NAALADL2: variants seen among roughly 807,000 people sequenced by gnomAD.
NAALADL2 encodes inactive N-acetylated-alpha-linked acidic dipeptidase-like protein 2.
A neutral mutation model predicts 87.2 loss-of-function variants in NAALADL2; 76 were observed. That is an observed-to-expected ratio of 0.87 (90% CI 0.72 to 1.05). The LOEUF (loss-of-function observed/expected upper bound fraction) is 1.05, where lower values mean the gene tolerates loss of function less well. Among genes scored for constraint, NAALADL2 ranks in the 50% least tolerant of loss-of-function variants. The probability of loss-of-function intolerance (pLI) is 0.00; values close to 1 mark genes in which losing one functional copy is unlikely to be tolerated. For missense variants in NAALADL2, 1,089 were observed against 945.8 expected, an observed-to-expected ratio of 1.15 and a Z score of -1.99; for synonymous variants, 354 against 331.0, an observed-to-expected ratio of 1.07 and a Z score of -0.75.
chr3:175,353,748 A>G (rs1211937492), intron 5 of NAALADL2, among the ~76,000 whole-genome samples: 1 of 152,168 alleles, frequency 6.6e-6, no homozygotes, highest in Non-Finnish European at 1.5e-5. Context: ...ATTCCCTCAA[A>G]CCTAGTTTCC....
chr3:175,043,936 G>A (rs924717195), intron 1 of NAALADL2, among the ~76,000 whole-genome samples: 1 of 152,122 alleles, frequency 6.6e-6, no homozygotes, highest in African/African-American at 2.4e-5. Flanking sequence ...TTTTGACAGT[G>A]ATTACTTTGA....
intron 2 of NAALADL2, among the ~76,000 whole-genome samples, chr3:174,708,297 C>T (rs868829056): frequency 2.0e-5 from 3 of 152,172 alleles, no homozygotes; most frequent in South Asian, 2.1e-4. Flanking sequence ...CATTGGGAAA[C>T]TCCCCTCAAT....
chr3:175,317,714 C>T (rs1056402513), intron 4 of NAALADL2, among the ~76,000 whole-genome samples: 1 of 152,110 alleles, frequency 6.6e-6, no homozygotes, highest in East Asian at 1.9e-4. Flanking sequence ...CCAAATCATA[C>T]AGAAATAGGT....
At chr3:175,484,397 AT>A (rs1267225569) in intron 9 of NAALADL2, among the ~76,000 whole-genome samples, 2 of 152,152 alleles carry the variant, frequency 1.3e-5, no homozygotes, top group African/African-American at 2.4e-5. Context: ...TTTAATCATT[AT>A]AAAATTGCTG....
intron 4 of NAALADL2, among the ~76,000 whole-genome samples, chr3:175,288,891 A>G (rs1755302897): frequency 6.6e-6 from 1 of 152,152 alleles, no homozygotes; most frequent in Admixed American, 6.5e-5. Context: ...GCTTTTTTCT[A>G]CTATTTCATT....
At chr3:175,780,133 G>A (rs1401830219) in intron 13 of NAALADL2, among the ~76,000 whole-genome samples, 4 of 151,414 alleles carry the variant, frequency 2.6e-5, no homozygotes, top group African/African-American at 4.9e-5. Flanking sequence ...AAAATTAGCC[G>A]GGCGTGGTGG....
At chr3:175,252,305 T>C (rs1286355449) in intron 3 of NAALADL2, among the ~76,000 whole-genome samples, 1 of 152,194 alleles carries the variant, frequency 6.6e-6, no homozygotes, top group Non-Finnish European at 1.5e-5. Flanking sequence ...AATATTCCAA[T>C]CTTTTTCATT....
intron 2 of NAALADL2, among the ~76,000 whole-genome samples, chr3:174,556,600 C>T (rs1292095329): frequency 2.0e-5 from 3 of 152,016 alleles, no homozygotes; most frequent in Non-Finnish European, 4.4e-5. Flanking sequence ...CTTCTTAATA[C>T]ACAACTTATA....
intron 11 of NAALADL2, among the ~76,000 whole-genome samples, chr3:175,662,947 T>A (rs1178484034): frequency 6.8e-6 from 1 of 146,664 alleles, no homozygotes; most frequent in Non-Finnish European, 1.5e-5. Flanking sequence ...GGCCTGTAGT[T>A]TGTTTGTTTG....
intron 4 of NAALADL2, among the ~76,000 whole-genome samples, chr3:175,316,018 T>C (rs1759096592): frequency 6.6e-6 from 1 of 152,224 alleles, no homozygotes; most frequent in Admixed American, 6.5e-5. Context: ...TTAGACTACA[T>C]GGTTTTTCAT....
At chr3:175,676,840 T>A (rs1734852526) in intron 11 of NAALADL2, 1 of 151,996 alleles carries the variant, frequency 6.6e-6, no homozygotes, top group African/African-American at 2.4e-5. Flanking sequence ...GTGGGTGTTA[T>A]GGAAAAGCTG....
rs547165921 is a variant in NAALADL2, at chr3:175,202,243, C to G, written c.546-31688C>G. On this transcript the variant is annotated intron_variant, in intron 2 of 13. Coordinates refer to ENST00000454872, the MANE Select transcript of NAALADL2 (RefSeq NM_207015.3). ...TTGCAGCTGATCAGCTTCCTTTGTC[C>G]ACTGAGTATTGGGCTTCATTTCCAA... Among the ~76,000 whole-genome samples, 4 of 152,140 alleles carry G rather than the reference C, an allele frequency of 2.6e-5. No homozygotes were observed. The East Asian group carries it at 7.7e-4, about 29-fold the overall frequency.
intron 2 of NAALADL2, among the ~76,000 whole-genome samples, chr3:174,688,203 G>A (rs572241849): frequency 1.3e-5 from 2 of 151,874 alleles, no homozygotes; most frequent in Non-Finnish European, 2.9e-5. Context: ...CTGTTGTCTT[G>A]GATAAACCAT....
At chr3:175,212,597 A>C (rs1741921811) in intron 2 of NAALADL2, among the ~76,000 whole-genome samples, 1 of 146,794 alleles carries the variant, frequency 6.8e-6, no homozygotes, top group Non-Finnish European at 1.5e-5. Context: ...CTCCTCCTCC[A>C]TTTTTTCTTC....
rs546595817 is a variant in NAALADL2 at position 175,361,936 on chromosome 3, C to T, written c.1090+37611C>T. On this transcript the variant is annotated intron_variant, in intron 5 of 13. Transcript: ENST00000454872. ...CTTTTGGTGTTTTAGTCATGAAGTCCTTGCCCATGCCTATGTCCTGAATGG... is the reference window on the plus strand; with the variant it reads ...CTTTTGGTGTTTTAGTCATGAAGTCTTTGCCCATGCCTATGTCCTGAATGG... 3.5e-3 allele frequency among the ~76,000 whole-genome samples: 514 copies of T among 147,762 alleles called. 32 individuals are homozygous for T. Among genetic ancestry groups the T allele is most frequent in the African/African-American group, 0.012 (488 of 40,802 alleles).
intron 2 of NAALADL2, among the ~76,000 whole-genome samples, chr3:175,105,804 C>T (rs1379921302): frequency 6.6e-6 from 1 of 151,718 alleles, no homozygotes; most frequent in Non-Finnish European, 1.5e-5. Context: ...TACTATATTC[C>T]AGGCACTTGG....
chr3:175,002,192 T>C (rs2108765938), intron 1 of NAALADL2, among the ~76,000 whole-genome samples: 1 of 152,302 alleles, frequency 6.6e-6, no homozygotes, highest in East Asian at 1.9e-4. Context: ...GTAAAGATAT[T>C]GTTGAAAAGG....
At chr3:174,835,518 A>G (rs1465316785) in intron 3 of NAALADL2, among the ~76,000 whole-genome samples, 1 of 152,150 alleles carries the variant, frequency 6.6e-6, no homozygotes, top group Admixed American at 6.5e-5. Flanking sequence ...TATCAAAATT[A>G]TAAAGTTCTG....
At chr3:175,576,397 G>C (rs1466779596) in intron 10 of NAALADL2, among the ~76,000 whole-genome samples, 1 of 152,104 alleles carries the variant, frequency 6.6e-6, no homozygotes, top group Non-Finnish European at 1.5e-5. Context: ...AATTTAAAAA[G>C]ATTTATACTG....
Sources: gnomAD v4.1 joint callset for allele counts (sites outside exome capture counted in the v4.1 genomes callset) on GRCh38, gnomAD v4.1.1 for gene constraint, MANE v1.5 for transcripts, NCBI Gene and HGNC (gene_info 2026-07-23, HGNC 2026-07-21) for gene names.